ITIH2: variants seen among roughly 807,000 people sequenced by gnomAD.
The protein encoded by ITIH2 is inter-alpha-trypsin inhibitor heavy chain H2.
A neutral mutation model predicts 104.4 loss-of-function variants in ITIH2; 103 were observed. The observed-to-expected ratio is 0.99, with a 90% CI of 0.84 to 1.16. The LOEUF (loss-of-function observed/expected upper bound fraction) is 1.16. ITIH2 is among the 50% of genes most tolerant of loss of function. The probability of loss-of-function intolerance (pLI) is 0.00; values close to 1 mark genes in which losing one functional copy is unlikely to be tolerated. For synonymous variants in ITIH2, 436 were observed against 435.4 expected (o/e 1.00, Z -0.02); for missense variants, 1,108 against 1,162.4 (o/e 0.95, Z 0.68).
intron 16 of ITIH2, among the ~76,000 whole-genome samples, chr10:7,742,613 A>C (rs1255840458): frequency 6.6e-6 from 1 of 152,084 alleles, no homozygotes; most frequent in Admixed American, 6.6e-5. Context: ...ACATGGTGGC[A>C]CATGGATGTT....
chr10:7,704,567 G>C (rs1278364600), intron 1 of ITIH2, among the ~76,000 whole-genome samples: 1 of 152,130 alleles, frequency 6.6e-6, no homozygotes, highest in African/African-American at 2.4e-5. Flanking sequence ...GGGTTGTTTT[G>C]ATCTCTGTCT....
intron 5 of ITIH2, among the ~76,000 whole-genome samples, chr10:7,714,279 C>T (rs535890938): frequency 1.5e-4 from 23 of 149,864 alleles, no homozygotes; most frequent in Non-Finnish European, 3.1e-4. Context: ...TCACGCCATT[C>T]TCCTGCCTCA....
chr10:7,732,504 C>T lies in ITIH2; in HGVS notation c.1787+27C>T, dbSNP rs779218938. The T allele has an allele frequency of 3.5e-5, 56 of 1,596,644 alleles. No individual in the cohort carries two copies. The East Asian group carries it at 7.4e-4, about 21-fold the overall frequency. Reference sequence around the variant, plus strand: ...TAAGAAGAGAAGAGTACCCACACCACGAGATCTGCAAAACTGAAATGTCCA... The same window carrying T: ...TAAGAAGAGAAGAGTACCCACACCATGAGATCTGCAAAACTGAAATGTCCA... On this transcript the variant is annotated intron_variant, in intron 14 of 20. Transcript: ENST00000358415.
intron 9 of ITIH2, among the ~76,000 whole-genome samples, chr10:7,726,078 G>T (rs1206798007): frequency 6.6e-6 from 1 of 152,168 alleles, no homozygotes; most frequent in Non-Finnish European, 1.5e-5. Flanking sequence ...CATCATTGGT[G>T]ACCTTGACAA....
chr10:7,746,743 G>A (rs779264875), intron 20 of ITIH2, 39 bp downstream of exon 20: 3 of 1,311,174 alleles, frequency 2.3e-6, no homozygotes, highest in Admixed American at 3.5e-5. Context: ...AAAAGGCCTT[G>A]TGTTAGAATT....
intron 5 of ITIH2, among the ~76,000 whole-genome samples, chr10:7,716,275 C>G (rs1473661219): frequency 6.6e-6 from 1 of 152,118 alleles, no homozygotes; most frequent in East Asian, 1.9e-4. Flanking sequence ...GCCTCTGTGC[C>G]CAGTGTATTT....
intron 15 of ITIH2, 23 bp from the exon 16 acceptor site, chr10:7,738,598 C>A: frequency 3.7e-6 from 6 of 1,611,708 alleles, no homozygotes; most frequent in Non-Finnish European, 5.1e-6. Context: ...TAGAAACTAA[C>A]AGATGCAGGT....
intron 16 of ITIH2, among the ~76,000 whole-genome samples, chr10:7,740,929 A>G (rs1214495505): frequency 3.3e-5 from 5 of 152,180 alleles, no homozygotes; most frequent in African/African-American, 7.2e-5. Flanking sequence ...CCTGATCAAA[A>G]TGTCAAGCTG....
At position 7,749,376 on chromosome 10, in the gene ITIH2, T is replaced by C; in HGVS notation, c.*42T>C. ...AAATTATATATATTAATATACATCT[T>C]TCCCCTGTCACTTTTGCAGATATTC... is the stretch of plus-strand genomic sequence containing the variant. On this transcript the variant is annotated 3_prime_UTR_variant, in exon 21 of 21. Transcript: ENST00000358415. 2 of 1,500,004 alleles carry C rather than the reference T, an allele frequency of 1.3e-6. No individual in the cohort carries two copies. The highest frequency in any genetic ancestry group is 1.8e-6 in the Non-Finnish European group (2 of 1,089,506). 92.9% of individuals were successfully genotyped at this position (1,500,004 alleles called of 1,614,324 possible).
In ITIH2 at chr10:7,707,383, A is replaced by C. The variant is rs114596385; in HGVS notation, c.192+150A>C. On this transcript the variant is annotated intron_variant, in intron 3 of 20. Transcript: ENST00000358415. The stretch of plus-strand genomic sequence containing the variant: ...GCCCAACTGTTTGCAAGTGTTTCTA[A>C]AATTCAGCATTGAAGAGTGCAGTCT... 1,085 of 627,606 alleles carry C rather than the reference A, an allele frequency of 1.7e-3. 13 individuals carry two copies. The African/African-American group carries it at 0.018, about 11-fold the overall frequency. 38.9% of individuals were successfully genotyped at this position (627,606 alleles called of 1,614,324 possible). A position where few individuals can be genotyped will look rare whatever the true frequency, so the allele number is the denominator to read the frequency against.
intron 4 of ITIH2, among the ~76,000 whole-genome samples, chr10:7,711,767 A>G (rs550455381): frequency 6.6e-6 from 1 of 152,284 alleles, no homozygotes; most frequent in African/African-American, 2.4e-5. Context: ...GATGACTAAC[A>G]TTCGTGGTGT....
chr10:7,708,461 C>T (rs17142920), intron 3 of ITIH2, among the ~76,000 whole-genome samples: 4,629 of 152,284 alleles, frequency 0.03, 92 homozygotes, highest in South Asian at 0.054. Context: ...CGTCACTGTT[C>T]TCCTAGCTTG....
chr10:7,742,383 T>A (rs75048017), intron 16 of ITIH2, among the ~76,000 whole-genome samples: 2,259 of 152,300 alleles, frequency 0.015, 66 homozygotes, highest in African/African-American at 0.05. Flanking sequence ...ATCATATTAA[T>A]CTGTATGTCA....
At position 7,727,032 on chromosome 10, in the gene ITIH2, G is replaced by A. The variant is rs185942404; in HGVS notation, c.1067G>A (p.Arg356Gln). ...FSVIDFNQNI[R>Q]TWRNDLISAT... ...GTGATTGATTTCAACCAGAACATTC[G>A]AACTTGGAGAAATGATTTAATTTCA... The change falls in exon 10 of 21, where the codon CGA becomes CAA. Residue 356 changes from arginine (R) to glutamine (Q), a missense_variant. Transcript: ENST00000358415. 37 of 1,614,030 alleles carry A rather than the reference G, an allele frequency of 2.3e-5. No individual in the cohort carries two copies. The highest frequency in any genetic ancestry group is 2.1e-4 in the African/African-American group (16 of 75,054).
chr10:7,735,388 C>T (rs1212448510), intron 15 of ITIH2, among the ~76,000 whole-genome samples: 1 of 152,008 alleles, frequency 6.6e-6, no homozygotes, highest in Non-Finnish European at 1.5e-5. Context: ...ATAGCGAGAC[C>T]CCATCTCTAA....
Position 7,713,226 on chromosome 10 carries a change from T to G in ITIH2, c.408T>G (p.Thr136=), listed in dbSNP as rs1359464031. 6.2e-7 allele frequency: 1 copy of G among 1,614,162 alleles called. No individual in the cohort carries two copies. Among genetic ancestry groups the G allele is most frequent in the Admixed American group, 1.7e-5 (1 of 60,022 alleles). ...TTAGGAGCTCTATTAAGGAGAAAAC[T>G]GTGGGCCGAGCTCTTTATGCACAGG... ...KTFRSSIKEK[T]VGRALYAQAR... Residue 136 remains threonine (T), a synonymous_variant, in exon 5 of 21, where the codon ACT becomes ACG. Coordinates refer to ENST00000358415, the MANE Select transcript of ITIH2 (RefSeq NM_002216.3).
chr10:7,738,580 C>T (rs760420348), intron 15 of ITIH2, 41 bp from the exon 16 acceptor site: 3 of 1,610,420 alleles, frequency 1.9e-6, no homozygotes, highest in East Asian at 4.5e-5. Context: ...TCCGTGGAAA[C>T]GTAAATCTAG....
At chr10:7,713,435 T>C (rs770893618) in intron 5 of ITIH2, 150 bp downstream of exon 5, 34 of 612,880 alleles carry the variant, frequency 5.5e-5, no homozygotes, top group Non-Finnish European at 5.7e-5. Context: ...AATTAGGCAC[T>C]GCAGTTTCTA....
chr10:7,720,994 T>C, intron 7 of ITIH2, 31 bp downstream of exon 7: 1 of 1,286,150 alleles, frequency 7.8e-7, no homozygotes, highest in Non-Finnish European at 1.1e-6. Context: ...TGCCAGGCAT[T>C]CACAGGGCCT....
Sources: gnomAD v4.1 joint callset for allele counts (sites outside exome capture counted in the v4.1 genomes callset) on GRCh38, gnomAD v4.1.1 for gene constraint, MANE v1.5 for transcripts, NCBI Gene and HGNC (gene_info 2026-07-23, HGNC 2026-07-21) for gene names.